SOX9: variants seen among roughly 807,000 people sequenced by gnomAD.
SOX9 encodes SRY-box transcription factor 9, also known as transcription factor SOX-9.
Under a neutral mutation model 44.8 loss-of-function variants are expected in SOX9, and 2 were observed. That is an observed-to-expected ratio of 0.04 (90% confidence interval 0.02 to 0.14). SOX9 has a LOEUF of 0.14. SOX9 is among the 10% of genes least tolerant of loss of function. SOX9 has a pLI of 1.00. For missense variants in SOX9, 583 were observed against 728.6 expected (o/e 0.80, Z 2.30); for synonymous variants, 381 against 331.8 (o/e 1.15, Z -1.61).
Position 72,121,059 on chromosome 17 carries a change from C to A in SOX9, c.-333C>A, listed in dbSNP as rs1004590645. 9.2e-6 allele frequency: 5 copies of A among 543,528 alleles called. No homozygotes were observed. The highest frequency in any genetic ancestry group is 1.6e-5 in the Non-Finnish European group (5 of 312,760). 33.7% of individuals were successfully genotyped at this position (543,528 alleles called of 1,614,324 possible). A position where few individuals can be genotyped will look rare whatever the true frequency, so the allele number is the denominator to read the frequency against. On this transcript the variant is annotated 5_prime_UTR_variant, in exon 1 of 3. Coordinates refer to ENST00000245479, the MANE Select transcript of SOX9 (RefSeq NM_000346.4). This position sits in a 1 kb window ranked among gnomAD's most constrained non-coding sequence, Gnocchi z 8.3. ...GGAGCTCGAAACTGACTGGAAACTT[C>A]AGTGGCGCGGAGACTCGCCAGTTTC...
rs1908234446 is a variant in SOX9 at position 72,124,821 on chromosome 17, T to C, written c.*434T>C. On this transcript the variant is annotated 3_prime_UTR_variant, in exon 3 of 3. Transcript: ENST00000245479. This position sits in a 1 kb window ranked among gnomAD's most constrained non-coding sequence, Gnocchi z 4.6. ...AGTCCTCTGTGAGGAATATTCTCTA[T>C]TTTAAATATTTTTAGTATGTACTGT... 5.6e-6 allele frequency: 2 copies of C among 354,866 alleles called. No homozygotes were observed. The highest frequency in any genetic ancestry group is 1.1e-5 in the Non-Finnish European group (2 of 190,420). The allele number at this position is 354,866 out of a possible 1,614,324, so 22.0% of individuals were successfully genotyped here. A position where few individuals can be genotyped will look rare whatever the true frequency, so the allele number is the denominator to read the frequency against.
Position 72,121,655 on chromosome 17 carries a change from G to T in SOX9, c.264G>T (p.Leu88=), listed in dbSNP as rs1908097852. 6.2e-7 allele frequency: 1 copy of T among 1,600,002 alleles called. No homozygotes were observed. Among genetic ancestry groups the T allele is most frequent in the Non-Finnish European group, 8.5e-7 (1 of 1,173,882 alleles). The change falls in exon 1 of 3, where the codon CTG becomes CTT. Residue 88 remains leucine, a synonymous_variant. Coordinates refer to ENST00000245479, the MANE Select transcript of SOX9 (RefSeq NM_000346.4). The surrounding 1 kb of genome is among the most constrained non-coding windows in gnomAD (Gnocchi z 8.3). ...TGCTCAAAGGCTACGACTGGACGCTGGTGCCCATGCCGGTGCGCGTCAACG... is the reference window on the plus strand; with the variant it reads ...TGCTCAAAGGCTACGACTGGACGCTTGTGCCCATGCCGGTGCGCGTCAACG... The part of the protein sequence containing the change: ...SQVLKGYDWT[L]VPMPVRVNGS...
In SOX9 at chr17:72,126,146, T is replaced by G; in HGVS notation, c.*1759T>G. ...TTTTAGAAGTCAGTAGAATAAAATC[T>G]TAAAGCACTCATAATATGGCATCCT... On this transcript the variant is annotated 3_prime_UTR_variant, in exon 3 of 3. Coordinates refer to ENST00000245479, the MANE Select transcript of SOX9 (RefSeq NM_000346.4). 4.3e-6 allele frequency: 1 copy of G among 232,594 alleles called. No homozygotes were observed. Among genetic ancestry groups the G allele is most frequent in the Non-Finnish European group, 8.5e-6 (1 of 117,420 alleles). 14.4% of individuals were successfully genotyped at this position (232,594 alleles called of 1,614,324 possible). A position where few individuals can be genotyped will look rare whatever the true frequency, so the allele number is the denominator to read the frequency against.
Position 72,123,487 on chromosome 17 carries a change from G to T in SOX9, c.686-56G>T, listed in dbSNP as rs2143249629. 1.2e-6 allele frequency: 2 copies of T among 1,612,272 alleles called. No individual in the cohort carries two copies. The highest frequency in any genetic ancestry group is 1.7e-6 in the Non-Finnish European group (2 of 1,179,230). Reference sequence around the variant, plus strand: ...GGTCCCCGGAGGGTGCCTAAGACTAGGGCGTCTGCACAGCCCTTGTTGATT... The same window carrying T: ...GGTCCCCGGAGGGTGCCTAAGACTATGGCGTCTGCACAGCCCTTGTTGATT... On this transcript the variant is annotated intron_variant, in intron 2 of 2. Coordinates refer to ENST00000245479, the MANE Select transcript of SOX9 (RefSeq NM_000346.4). The surrounding 1 kb of genome is among the most constrained non-coding windows in gnomAD (Gnocchi z 6.5).
At position 72,123,460 on chromosome 17, in the gene SOX9, A is replaced by AG; in HGVS notation, c.686-80dup. Reference sequence around the variant, plus strand: ...CCTTATTACACTTTAGCAGCGAGGGAGGGTCCCCGGAGGGTGCCTAAGACT... The same window carrying AG: ...CCTTATTACACTTTAGCAGCGAGGGAGGGGTCCCCGGAGGGTGCCTAAGACT... On this transcript the variant is annotated intron_variant, in intron 2 of 2. Coordinates refer to ENST00000245479, the MANE Select transcript of SOX9 (RefSeq NM_000346.4). This position sits in a 1 kb window ranked among gnomAD's most constrained non-coding sequence, Gnocchi z 6.5. The AG allele has an allele frequency of 6.3e-7, 1 of 1,580,938 alleles. No homozygotes were observed. Among genetic ancestry groups the AG allele is most frequent in the South Asian group, 1.1e-5 (1 of 90,318 alleles).
At position 72,123,577 on chromosome 17, in the gene SOX9, C is replaced by T. The variant is rs2143250328; in HGVS notation, c.720C>T (p.Thr240=). 6.2e-7 allele frequency: 1 copy of T among 1,614,126 alleles called. No individual in the cohort carries two copies. The change falls in exon 3 of 3, where the codon ACC becomes ACT. Residue 240 remains threonine (T), a synonymous_variant. Transcript: ENST00000245479. This position sits in a 1 kb window ranked among gnomAD's most constrained non-coding sequence, Gnocchi z 6.5. ...AGGGCCCACCGACCCCACCCACCACCCCCAAAACCGACGTGCAGCCGGGCA... is the reference window on the plus strand; with the variant it reads ...AGGGCCCACCGACCCCACCCACCACTCCCAAAACCGACGTGCAGCCGGGCA... The part of the protein sequence containing the change: ...QSQGPPTPPT[T]PKTDVQPGKA...
At position 72,124,045 on chromosome 17, in the gene SOX9, C is replaced by A. The variant is rs1908204574; in HGVS notation, c.1188C>A (p.His396Gln). The A allele has an allele frequency of 6.2e-7, 1 of 1,612,314 alleles. No individual in the cohort carries two copies. Among genetic ancestry groups the A allele is most frequent in the Non-Finnish European group, 8.5e-7 (1 of 1,179,324 alleles). The change falls in exon 3 of 3, where the codon CAC becomes CAA. Residue 396 changes from histidine to glutamine, a missense_variant. Physicochemically the swap from His to Gln is conservative, Grantham distance 24. This residue lies in a region of SOX9 where 349 missense variants were observed against 387.0 expected (regional missense o/e 0.90). Transcript: ENST00000245479. This position sits in a 1 kb window ranked among gnomAD's most constrained non-coding sequence, Gnocchi z 4.6. ...AGCCGGGCCAGTCCCAGCGAACGCACATCAAGACGGAGCAGCTGAGCCCCA... is the reference window on the plus strand; with the variant it reads ...AGCCGGGCCAGTCCCAGCGAACGCAAATCAAGACGGAGCAGCTGAGCCCCA... ...SSEPGQSQRTHIKTEQLSPSH... is the reference protein window; with the variant it reads ...SSEPGQSQRTQIKTEQLSPSH...
chr17:72,124,532 T>A lies in SOX9; in HGVS notation c.*145T>A. On this transcript the variant is annotated 3_prime_UTR_variant, in exon 3 of 3. Transcript: ENST00000245479. This position sits in a 1 kb window ranked among gnomAD's most constrained non-coding sequence, Gnocchi z 4.6. ...GTTTTTTCTTCTTCTTCTTCTTCCT[T>A]AAAGACATTTAAGCTAAAGGCAACT... The A allele has an allele frequency of 1.9e-6, 2 of 1,080,058 alleles. No individual in the cohort carries two copies. Among genetic ancestry groups the A allele is most frequent in the Non-Finnish European group, 1.4e-6 (1 of 734,910 alleles). The allele number at this position is 1,080,058 out of a possible 1,614,324, so 66.9% of individuals were successfully genotyped here.
Position 72,124,498 on chromosome 17 carries a change from T to G in SOX9, c.*111T>G, listed in dbSNP as rs1908222507. 1.5e-6 allele frequency: 2 copies of G among 1,338,732 alleles called. No individual in the cohort carries two copies. The highest frequency in any genetic ancestry group is 2.9e-5 in the African/African-American group (2 of 69,706). 82.9% of individuals were successfully genotyped at this position (1,338,732 alleles called of 1,614,324 possible). A position where few individuals can be genotyped will look rare whatever the true frequency, so the allele number is the denominator to read the frequency against. On this transcript the variant is annotated 3_prime_UTR_variant, in exon 3 of 3. Coordinates refer to ENST00000245479, the MANE Select transcript of SOX9 (RefSeq NM_000346.4). The surrounding 1 kb of genome is among the most constrained non-coding windows in gnomAD (Gnocchi z 4.6). ...ACATTTGTGTTTTTTTGTTTTTTTATTTTGTTTTGTTTTTTCTTCTTCTTC... is the reference window on the plus strand; with the variant it reads ...ACATTTGTGTTTTTTTGTTTTTTTAGTTTGTTTTGTTTTTTCTTCTTCTTC...
Position 72,121,527 on chromosome 17 carries a change from A to G in SOX9, c.136A>G (p.Thr46Ala). The change falls in exon 1 of 3, where the codon ACG (threonine) becomes GCG (alanine). Residue 46 changes from threonine to alanine, a missense_variant. Physicochemically the swap from Thr to Ala is moderately conservative, Grantham distance 58. Around this residue, in one of 7 missense-constraint regions of SOX9, gnomAD observed 101 missense variants for 98.6 expected, o/e 1.02. Transcript: ENST00000245479. This position sits in a 1 kb window ranked among gnomAD's most constrained non-coding sequence, Gnocchi z 8.3. Reference protein sequence around the residue: ...PSGSGSDTENTRPQENTFPKG... With the variant: ...PSGSGSDTENARPQENTFPKG... ...GGGCTCCGGCTCGGACACCGAGAACACGCGGCCCCAGGAGAACACGTTCCC... is the reference window on the plus strand; with the variant it reads ...GGGCTCCGGCTCGGACACCGAGAACGCGCGGCCCCAGGAGAACACGTTCCC... The G allele has an allele frequency of 1.2e-6, 2 of 1,608,980 alleles. No homozygotes were observed. The highest frequency in any genetic ancestry group is 1.7e-6 in the Non-Finnish European group (2 of 1,178,338).
chr17:72,121,607 C>G lies in SOX9; in HGVS notation c.216C>G (p.Cys72Trp), dbSNP rs2143238555. Residue 72 changes from cysteine to tryptophan, a missense_variant, in exon 1 of 3, where the codon TGC becomes TGG. Physicochemically the swap from Cys to Trp is radical, Grantham distance 215. Transcript: ENST00000245479. The surrounding 1 kb of genome is among the most constrained non-coding windows in gnomAD (Gnocchi z 8.3). ...KESEEDKFPV[C>W]IREAVSQVLK... ...GCGAGGAGGACAAGTTCCCCGTGTG[C>G]ATCCGCGAGGCGGTCAGCCAGGTGC... 6.2e-7 allele frequency: 1 copy of G among 1,604,352 alleles called. No homozygotes were observed. The highest frequency in any genetic ancestry group is 8.5e-7 in the Non-Finnish European group (1 of 1,175,758).
In SOX9 at chr17:72,122,643, C is replaced by T. The variant is rs2143244281; in HGVS notation, c.432-76C>T. 2.0e-6 allele frequency: 3 copies of T among 1,494,552 alleles called. No individual in the cohort carries two copies. In the South Asian group the frequency reaches 3.6e-5, roughly 18 times the overall value. 92.6% of individuals were successfully genotyped at this position (1,494,552 alleles called of 1,614,324 possible). A position where few individuals can be genotyped will look rare whatever the true frequency, so the allele number is the denominator to read the frequency against. ...GGTCTGGGTCGCCGCCTCCTCCCCG[C>T]CGACCTGACAGTTTGGCGGATTTCA... On this transcript the variant is annotated intron_variant, in intron 1 of 2. Coordinates refer to ENST00000245479, the MANE Select transcript of SOX9 (RefSeq NM_000346.4).
Position 72,124,556 on chromosome 17 carries a change from C to T in SOX9, c.*169C>T. The stretch of plus-strand genomic sequence containing the variant: ...TTAAAGACATTTAAGCTAAAGGCAA[C>T]TCGTACCCAAATTTCCAAGACACAA... On this transcript the variant is annotated 3_prime_UTR_variant, in exon 3 of 3. Transcript: ENST00000245479. The surrounding 1 kb of genome is among the most constrained non-coding windows in gnomAD (Gnocchi z 4.6). 1.2e-6 allele frequency: 1 copy of T among 865,022 alleles called. No individual in the cohort carries two copies. Among genetic ancestry groups the T allele is most frequent in the East Asian group, 2.6e-5 (1 of 37,840 alleles). The allele number at this position is 865,022 out of a possible 1,614,324, so 53.6% of individuals were successfully genotyped here. A position where few individuals can be genotyped will look rare whatever the true frequency, so the allele number is the denominator to read the frequency against.
chr17:72,121,942 C>A lies in SOX9; in HGVS notation c.431+120C>A. 1.6e-6 allele frequency: 2 copies of A among 1,269,374 alleles called. No homozygotes were observed. Among genetic ancestry groups the A allele is most frequent in the Non-Finnish European group, 2.1e-6 (2 of 944,988 alleles). The allele number at this position is 1,269,374 out of a possible 1,614,324, so 78.6% of individuals were successfully genotyped here. ...CGGGAGTTGCCGTTCCGGGAGCCGG[C>A]GGGATGGGGTTGGGAGTGGGAATGG... On this transcript the variant is annotated intron_variant, in intron 1 of 2. Coordinates refer to ENST00000245479, the MANE Select transcript of SOX9 (RefSeq NM_000346.4). The surrounding 1 kb of genome is among the most constrained non-coding windows in gnomAD (Gnocchi z 8.3).
At position 72,121,619 on chromosome 17, in the gene SOX9, G is replaced by A. The variant is rs1193053336; in HGVS notation, c.228G>A (p.Ala76=). 1 of 1,601,854 alleles carries A rather than the reference G, an allele frequency of 6.2e-7. No homozygotes were observed. ...EDKFPVCIRE[A]VSQVLKGYDW... ...AGTTCCCCGTGTGCATCCGCGAGGC[G>A]GTCAGCCAGGTGCTCAAAGGCTACG... Residue 76 remains alanine (A), a synonymous_variant, in exon 1 of 3, where the codon GCG becomes GCA. Coordinates refer to ENST00000245479, the MANE Select transcript of SOX9 (RefSeq NM_000346.4). This position sits in a 1 kb window ranked among gnomAD's most constrained non-coding sequence, Gnocchi z 8.3.
Position 72,122,530 on chromosome 17 carries a change from C to CTTAT in SOX9, c.432-174_432-171dup, listed in dbSNP as rs979742822. ...GACCGCTCAGGTCAGACTGCAATAACTTATTTATTTATTTATTTTTAAGAA... is the reference window on the plus strand; with the variant it reads ...GACCGCTCAGGTCAGACTGCAATAACTTATTTATTTATTTATTTATTTTTAAGAA... On this transcript the variant is annotated intron_variant, in intron 1 of 2. Coordinates refer to ENST00000245479, the MANE Select transcript of SOX9 (RefSeq NM_000346.4). 1.1e-4 allele frequency among the ~76,000 whole-genome samples: 16 copies of CTTAT among 151,396 alleles called. 1 individual carries two copies. Among genetic ancestry groups the CTTAT allele is most frequent in the African/African-American group, 3.4e-4 (14 of 41,248 alleles).
rs1842103826 is a variant in SOX9 at position 72,126,080 on chromosome 17, AG to A, written c.*1694del. ...TTGAGGATTGCTTTTTAAAAAAGACAGCAAACTTTTTTTTTTATTTAAAAAA... is the reference window on the plus strand; with the variant it reads ...TTGAGGATTGCTTTTTAAAAAAGACACAAACTTTTTTTTTTATTTAAAAAA... On this transcript the variant is annotated 3_prime_UTR_variant, in exon 3 of 3. Coordinates refer to ENST00000245479, the MANE Select transcript of SOX9 (RefSeq NM_000346.4). 1 of 232,504 alleles carries A rather than the reference AG, an allele frequency of 4.3e-6. No individual in the cohort carries two copies. The highest frequency in any genetic ancestry group is 8.5e-6 in the Non-Finnish European group (1 of 117,536). The allele number at this position is 232,504 out of a possible 1,614,324, so 14.4% of individuals were successfully genotyped here.
In SOX9 at chr17:72,121,490, G is replaced by GCCCTGCCCGTCGGGCTCC; in HGVS notation, c.100_117dup (p.Pro34_Ser39dup). ...CCATGTCCGAGGACTCCGCGGGCTC[G>GCCCTGCCCGTCGGGCTCC]CCCTGCCCGTCGGGCTCCGGCTCGG... is the stretch of plus-strand genomic sequence containing the variant. On this transcript the variant is annotated inframe_insertion, in exon 1 of 3. Coordinates refer to ENST00000245479, the MANE Select transcript of SOX9 (RefSeq NM_000346.4). This position sits in a 1 kb window ranked among gnomAD's most constrained non-coding sequence, Gnocchi z 8.3. The GCCCTGCCCGTCGGGCTCC allele has an allele frequency of 6.2e-7, 1 of 1,611,140 alleles. No homozygotes were observed.
Position 72,123,901 on chromosome 17 carries a change from G to A in SOX9, c.1044G>A (p.Gln348=). The part of the protein sequence containing the change: ...KQQAPPPPPQ[Q]PPQAPPAPQA... ...AGGCGCCGCCGCCACCCCCGCAGCA[G>A]CCCCCACAGGCCCCGCCGGCCCCGC... Residue 348 remains glutamine, a synonymous_variant, in exon 3 of 3, where the codon CAG becomes CAA. Coordinates refer to ENST00000245479, the MANE Select transcript of SOX9 (RefSeq NM_000346.4). This position sits in a 1 kb window ranked among gnomAD's most constrained non-coding sequence, Gnocchi z 6.5. 8.2e-6 allele frequency: 11 copies of A among 1,346,468 alleles called. No homozygotes were observed. Among genetic ancestry groups the A allele is most frequent in the Non-Finnish European group, 1.0e-5 (11 of 1,055,658 alleles). The allele number at this position is 1,346,468 out of a possible 1,614,324, so 83.4% of individuals were successfully genotyped here. A position where few individuals can be genotyped will look rare whatever the true frequency, so the allele number is the denominator to read the frequency against.
Sources: allele counts gnomAD v4.1 joint callset (sites outside exome capture counted in the v4.1 genomes callset), GRCh38; gene constraint gnomAD v4.1.1; regional missense constraint gnomAD v4.1.1; non-coding constraint Gnocchi (gnomAD v3.1); transcripts MANE v1.5; gene names NCBI Gene and HGNC (gene_info 2026-07-23, HGNC 2026-07-21).